The following PLAA variants were observed in gnomAD, a reference collection of about 807,000 sequenced individuals.
PLAA encodes the protein phospholipase A-2-activating protein.
Under a neutral mutation model 84.1 loss-of-function variants are expected in PLAA, and 48 were observed. The ratio of observed to expected loss-of-function variants is 0.57; its 90% CI spans 0.45 to 0.73. PLAA has a LOEUF of 0.73. PLAA is among the 30% of genes least tolerant of loss of function. PLAA has a pLI of 0.00. For missense variants in PLAA, 903 were observed against 954.7 expected, an observed-to-expected ratio of 0.95 and a Z score of 0.71; for synonymous variants, 392 against 336.6, an observed-to-expected ratio of 1.16 and a Z score of -1.80.
intron 5 of PLAA, among the ~76,000 whole-genome samples, 179 bp from the exon 6 acceptor site, chr9:26,926,139 T>G (rs1177897068): frequency 1.3e-5 from 2 of 152,244 alleles, no homozygotes; most frequent in Non-Finnish European, 2.9e-5. Flanking sequence ...TTTATTCATG[T>G]CACATCTTAC....
At chr9:26,925,573 T>C (rs1218373528) in intron 6 of PLAA, among the ~76,000 whole-genome samples, 1 of 152,218 alleles carries the variant, frequency 6.6e-6, no homozygotes. Context: ...AGTCAATATC[T>C]TGACTGCACA....
chr9:26,919,229 T>C (rs1028990885), intron 9 of PLAA, 81 bp downstream of exon 9: 2 of 793,930 alleles, frequency 2.5e-6, no homozygotes, highest in African/African-American at 3.4e-5. Context: ...AAAAAGCTAA[T>C]CACATGACTA....
At chr9:26,934,761 G>T (rs62544450) in intron 2 of PLAA, among the ~76,000 whole-genome samples, 17,128 of 152,028 alleles carry the variant, frequency 0.11, 1,078 homozygotes, top group South Asian at 0.22. Flanking sequence ...TTACAGGTGT[G>T]AGCCACCGCT....
intron 10 of PLAA, among the ~76,000 whole-genome samples, chr9:26,914,159 TATA>T (rs1317613347): frequency 6.6e-6 from 1 of 152,162 alleles, no homozygotes; most frequent in Non-Finnish European, 1.5e-5. Context: ...ACATGCCTTA[TATA>T]TTATAATTGT....
In PLAA at chr9:26,928,250, T is replaced by C. The variant is rs1825045895; in HGVS notation, c.445-30A>G. On this transcript the variant is annotated intron_variant, in intron 3 of 13. Coordinates refer to ENST00000397292, the MANE Select transcript of PLAA (RefSeq NM_001031689.3). Reference sequence around the variant, plus strand: ...GAGTAAAATGAGTATCAATTTAAGTTGCCACAGAATCATTCAACTTAATTA... The same window carrying C: ...GAGTAAAATGAGTATCAATTTAAGTCGCCACAGAATCATTCAACTTAATTA... The C allele has an allele frequency of 1.9e-6, 3 of 1,614,076 alleles. No individual in the cohort carries two copies. In the East Asian group the frequency reaches 6.7e-5, roughly 36 times the overall value.
At chr9:26,936,935 G>A (rs763191616) in intron 1 of PLAA, among the ~76,000 whole-genome samples, 2 of 152,184 alleles carry the variant, frequency 1.3e-5, no homozygotes, top group Non-Finnish European at 2.9e-5. Context: ...GAGGTCAGGA[G>A]TTGGAGACCA....
rs114494007 is a variant in PLAA, at chr9:26,938,638, G to A, written c.150-3432C>T. On this transcript the variant is annotated intron_variant, in intron 1 of 13. Transcript: ENST00000397292. ...AAGAAATGCTTAAAGGAGCCTTCTC[G>A]CACAGTGAAATGAAAACACACTAGA... Among the ~76,000 whole-genome samples, 350 of 150,598 alleles carry A rather than the reference G, an allele frequency of 2.3e-3. 3 individuals are homozygous for A. Among genetic ancestry groups the A allele is most frequent in the African/African-American group, 7.9e-3 (322 of 40,950 alleles).
At chr9:26,919,060 T>C in intron 9 of PLAA, 1 of 351,066 alleles carries the variant, frequency 2.8e-6, no homozygotes, top group Non-Finnish European at 5.1e-6. Context: ...TACAAGTTTA[T>C]TTTTGTTTCA....
rs776787686 is a variant in PLAA, at chr9:26,926,453, C to T, written c.673G>A (p.Glu225Lys). The T allele has an allele frequency of 6.2e-7, 1 of 1,612,054 alleles. No homozygotes were observed. The highest frequency in any genetic ancestry group is 1.1e-5 in the South Asian group (1 of 91,034). The change falls in exon 5 of 14, where the codon GAA (glutamate) becomes AAA (lysine). Residue 225 changes from glutamate to lysine, a missense_variant. Glu to Lys is a moderately conservative substitution (Grantham distance 56). Transcript: ENST00000397292. ...TAATTTGTATGTCCATAATATACTT[C>T]AAGACACTCGCCAGTGATTTGCCAC... ...RRWQITGECLEVYYGHTNYIY... is the reference protein window; with the variant it reads ...RRWQITGECLKVYYGHTNYIY...
chr9:26,929,306 T>C (rs761061889), intron 2 of PLAA, among the ~76,000 whole-genome samples: 1 of 151,908 alleles, frequency 6.6e-6, no homozygotes, highest in Non-Finnish European at 1.5e-5. Context: ...CCTGGGGCAA[T>C]ATAGTGAGAC....
chr9:26,907,567 A>C, intron 13 of PLAA: 1 of 358,990 alleles, frequency 2.8e-6, no homozygotes, highest in Non-Finnish European at 4.9e-6. Flanking sequence ...AAAACAAAAA[A>C]ACAAAGAAAA....
chr9:26,907,397 C>T (rs1587146366), intron 13 of PLAA, among the ~76,000 whole-genome samples: 1 of 152,016 alleles, frequency 6.6e-6, no homozygotes, highest in Admixed American at 6.6e-5. Flanking sequence ...GGCATGGTGG[C>T]GGGTGCCTAT....
intron 6 of PLAA, among the ~76,000 whole-genome samples, chr9:26,923,916 T>C (rs1235097257): frequency 6.6e-6 from 1 of 152,180 alleles, no homozygotes; most frequent in Non-Finnish European, 1.5e-5. Context: ...AGAAGCAAAT[T>C]AGACACTTCC....
intron 2 of PLAA, among the ~76,000 whole-genome samples, chr9:26,931,389 T>C (rs1275212872): frequency 1.3e-5 from 2 of 152,164 alleles, no homozygotes; most frequent in Non-Finnish European, 2.9e-5. Context: ...ATCTAGGCAA[T>C]GATTATCAGT....
At chr9:26,933,813 A>AAAT (rs1245021919) in intron 2 of PLAA, among the ~76,000 whole-genome samples, 1 of 146,160 alleles carries the variant, frequency 6.8e-6, no homozygotes. Context: ...AAAAAAAAAA[A>AAAT]TTTTTTGTTT....
At chr9:26,933,787 TCA>T (rs1491499002) in intron 2 of PLAA, among the ~76,000 whole-genome samples, 2 of 47,426 alleles carry the variant, frequency 4.2e-5, no homozygotes. Context: ...AGACTCTGCC[TCA>T]AAAAAAAAAA....
chr9:26,944,173 G>A (rs980661709), intron 1 of PLAA, among the ~76,000 whole-genome samples: 4 of 152,084 alleles, frequency 2.6e-5, no homozygotes, highest in South Asian at 2.1e-4. Flanking sequence ...GCCCCTCTGC[G>A]CCTCTTGCTG....
intron 2 of PLAA, among the ~76,000 whole-genome samples, chr9:26,932,385 G>A (rs976679134): frequency 1.3e-5 from 2 of 152,106 alleles, no homozygotes; most frequent in African/African-American, 4.8e-5. Flanking sequence ...GTAATTGAGA[G>A]AAAAACAATC....
intron 10 of PLAA, chr9:26,915,592 C>T: frequency 6.4e-6 from 4 of 623,802 alleles, no homozygotes; most frequent in Non-Finnish European, 8.0e-6. Flanking sequence ...TTAACACTTA[C>T]ACATATTATG....
Sources: allele counts gnomAD v4.1 joint callset (sites outside exome capture counted in the v4.1 genomes callset), GRCh38; gene constraint gnomAD v4.1.1; transcripts MANE v1.5; gene names NCBI Gene and HGNC (gene_info 2026-07-23, HGNC 2026-07-21).